ZCWPW2: variants seen among roughly 807,000 people sequenced by gnomAD.
ZCWPW2 encodes zinc finger CW-type PWWP domain protein 2.
Under a neutral mutation model 46.6 loss-of-function variants are expected in ZCWPW2, and 45 were observed. That is an observed-to-expected ratio of 0.96 (90% CI 0.76 to 1.24). The LOEUF is 1.24. Among genes scored for constraint, ZCWPW2 ranks in the 50% most tolerant of loss-of-function variants. The probability of loss-of-function intolerance (pLI) is 0.00; values close to 1 mark genes in which losing one functional copy is unlikely to be tolerated. For synonymous variants in ZCWPW2, 152 were observed against 137.1 expected (o/e 1.11, Z -0.76); for missense variants, 429 against 403.9 (o/e 1.06, Z -0.53).
chr3:28,476,179 G>A (rs1699232829), intron 4 of ZCWPW2, among the ~76,000 whole-genome samples: 1 of 151,440 alleles, frequency 6.6e-6, no homozygotes, highest in Non-Finnish European at 1.5e-5. Context: ...AAAGAAACTA[G>A]TAATAGTAAT....
At chr3:28,503,042 C>T (rs1203467737) in intron 6 of ZCWPW2, among the ~76,000 whole-genome samples, 2 of 151,994 alleles carry the variant, frequency 1.3e-5, no homozygotes, top group Admixed American at 6.6e-5. Context: ...GTACATAATG[C>T]CCATTTAAAA....
intron 3 of ZCWPW2, among the ~76,000 whole-genome samples, chr3:28,431,264 A>T (rs922829279): frequency 6.6e-6 from 1 of 152,080 alleles, no homozygotes; most frequent in African/African-American, 2.4e-5. Flanking sequence ...CAAATATCTT[A>T]TATATATATG....
intron 1 of ZCWPW2, among the ~76,000 whole-genome samples, chr3:28,380,234 T>C (rs1025829168): frequency 1.3e-5 from 2 of 152,110 alleles, no homozygotes; most frequent in Non-Finnish European, 2.9e-5. Flanking sequence ...TCCGCCCACC[T>C]TGGCCTCCCA....
intron 4 of ZCWPW2, among the ~76,000 whole-genome samples, chr3:28,462,765 G>A (rs188382924): frequency 1.2e-4 from 19 of 152,084 alleles, no homozygotes; most frequent in African/African-American, 4.1e-4. Context: ...TTCTCTCCAC[G>A]GGCCTCACTG....
chr3:28,513,754 T>C (rs1193584101), intron 6 of ZCWPW2, among the ~76,000 whole-genome samples: 1 of 152,136 alleles, frequency 6.6e-6, no homozygotes, highest in African/African-American at 2.4e-5. Flanking sequence ...ATCTAAAGGT[T>C]ATATATGTGT....
intron 4 of ZCWPW2, among the ~76,000 whole-genome samples, chr3:28,457,527 A>C (rs1262519761): frequency 6.6e-6 from 1 of 152,246 alleles, no homozygotes; most frequent in Non-Finnish European, 1.5e-5. Context: ...GTGCATGCTT[A>C]TTCCATGGCT....
chr3:28,400,975 C>A (rs1188573340), intron 2 of ZCWPW2, among the ~76,000 whole-genome samples: 1 of 152,012 alleles, frequency 6.6e-6, no homozygotes, highest in African/African-American at 2.4e-5. Context: ...GTCAGGAGAT[C>A]AAGACCATCC....
chr3:28,413,346 A>C lies in ZCWPW2; in HGVS notation c.278A>C (p.Tyr93Ser), dbSNP rs775752071. 1.1e-5 allele frequency: 17 copies of C among 1,612,594 alleles called. No homozygotes were observed. The South Asian group carries it at 1.9e-4, about 18-fold the overall frequency. ...QLHQCGFKIV[Y>S]SQLPLGSLVL... ...CATCAGTGTGGATTTAAGATTGTCT[A>C]TTCACAGCTCCCTCTTGGAAGCCTG... The change falls in exon 3 of 10, where the codon TAT (tyrosine) becomes TCT (serine). Residue 93 changes from tyrosine to serine, a missense_variant. Tyr to Ser is a moderately radical substitution (Grantham distance 144). Coordinates refer to ENST00000383768, the MANE Select transcript of ZCWPW2 (RefSeq NM_001040432.4).
chr3:28,445,177 C>T lies in ZCWPW2; in HGVS notation c.492+9908C>T, dbSNP rs1215419806. ...ATATAGGTATATATCCTATTATATA[C>T]CTATCATATATATATATATATATAT... On this transcript the variant is annotated intron_variant, in intron 4 of 9. Transcript: ENST00000383768. Among the ~76,000 whole-genome samples the T allele has an allele frequency of 7.4e-5, 11 of 147,960 alleles. No homozygotes were observed. The East Asian group carries it at 2.0e-3, about 26-fold the overall frequency.
At chr3:28,484,461 G>A (rs147186102) in intron 5 of ZCWPW2, among the ~76,000 whole-genome samples, 1 of 152,074 alleles carries the variant, frequency 6.6e-6, no homozygotes, top group Non-Finnish European at 1.5e-5. Context: ...TTTAATAATT[G>A]TAGGCCTATT....
At chr3:28,383,495 C>T (rs935810604) in intron 1 of ZCWPW2, among the ~76,000 whole-genome samples, 8 of 151,766 alleles carry the variant, frequency 5.3e-5, no homozygotes, top group Non-Finnish European at 7.4e-5. Flanking sequence ...ATTCAATTAG[C>T]CTTTATGAAG....
chr3:28,442,032 G>C (rs977357741), intron 4 of ZCWPW2, among the ~76,000 whole-genome samples: 1 of 152,154 alleles, frequency 6.6e-6, no homozygotes, highest in African/African-American at 2.4e-5. Flanking sequence ...TGGTTCTGCT[G>C]GGTCATATGG....
intron 4 of ZCWPW2, among the ~76,000 whole-genome samples, chr3:28,469,653 C>G (rs1450999430): frequency 6.6e-6 from 1 of 151,472 alleles, no homozygotes. Flanking sequence ...TAAAGGAGTT[C>G]ATTCATCAAG....
intron 5 of ZCWPW2, among the ~76,000 whole-genome samples, chr3:28,483,184 TA>T (rs2125808572): frequency 6.6e-6 from 1 of 152,312 alleles, no homozygotes; most frequent in Non-Finnish European, 1.5e-5. Flanking sequence ...GATCAGTGTC[TA>T]AATTTACTTT....
At chr3:28,436,899 A>T (rs555215950) in intron 4 of ZCWPW2, among the ~76,000 whole-genome samples, 2 of 152,294 alleles carry the variant, frequency 1.3e-5, no homozygotes, top group South Asian at 4.1e-4. Context: ...CTGACCTTAG[A>T]ATCTTACCTC....
At chr3:28,515,154 C>T (rs576300986) in intron 7 of ZCWPW2, among the ~76,000 whole-genome samples, 1 of 152,238 alleles carries the variant, frequency 6.6e-6, no homozygotes, top group Admixed American at 6.5e-5. Flanking sequence ...ATTGTGGAAA[C>T]AGTATGGATT....
At chr3:28,488,258 G>A (rs963376740) in intron 5 of ZCWPW2, among the ~76,000 whole-genome samples, 1 of 152,140 alleles carries the variant, frequency 6.6e-6, no homozygotes, top group African/African-American at 2.4e-5. Flanking sequence ...GCTCAGGTTG[G>A]TTGTGATTCT....
At chr3:28,434,370 A>C (rs1309126747) in intron 3 of ZCWPW2, among the ~76,000 whole-genome samples, 1 of 152,218 alleles carries the variant, frequency 6.6e-6, no homozygotes, top group Non-Finnish European at 1.5e-5. Flanking sequence ...CAACAAAAAA[A>C]AGTAGAATAG....
chr3:28,350,752 T>G (rs1054327648), intron 1 of ZCWPW2, among the ~76,000 whole-genome samples: 1 of 151,866 alleles, frequency 6.6e-6, no homozygotes, highest in Non-Finnish European at 1.5e-5. Context: ...TATTAAAGGT[T>G]TATTATCAGG....
Sources: gnomAD v4.1 joint callset for allele counts (sites outside exome capture counted in the v4.1 genomes callset) on GRCh38, gnomAD v4.1.1 for gene constraint, MANE v1.5 for transcripts, NCBI Gene and HGNC (gene_info 2026-07-23, HGNC 2026-07-21) for gene names.